FAM185A: variants seen among roughly 807,000 people sequenced by gnomAD.
The protein encoded by FAM185A is protein FAM185A.
Under a neutral mutation model 45.7 loss-of-function variants are expected in FAM185A, and 21 were observed. The observed-to-expected ratio is 0.46, with a 90% CI of 0.33 to 0.66. The LOEUF (loss-of-function observed/expected upper bound fraction) is 0.66, where lower values mean the gene tolerates loss of function less well. Among genes scored for constraint, FAM185A ranks in the 30% least tolerant of loss-of-function variants. The pLI is 0.03. For synonymous variants in FAM185A, 117 were observed against 194.0 expected (o/e 0.60, Z 3.30); for missense variants, 305 against 485.4 (o/e 0.63, Z 3.49).
intron 6 of FAM185A, among the ~76,000 whole-genome samples, chr7:102,781,598 C>T (rs1333295532): frequency 6.6e-6 from 1 of 152,222 alleles, no homozygotes; most frequent in Non-Finnish European, 1.5e-5. Context: ...GCTGAGGGTC[C>T]TGACTGTTAG....
intron 4 of FAM185A, among the ~76,000 whole-genome samples, chr7:102,767,774 T>G (rs925873008): frequency 5.9e-5 from 9 of 151,520 alleles, no homozygotes; most frequent in Non-Finnish European, 1.3e-4. Flanking sequence ...AACTCAACAT[T>G]TCTTGCTTTT....
chr7:102,822,212 A>C, the FAM185A span: 1 of 1,613,796 alleles, frequency 6.2e-7, no homozygotes, highest in Non-Finnish European at 8.5e-7. Flanking sequence ...ATCTGAACAC[A>C]GAGCCAAAGT....
At chr7:102,801,039 GAA>G (rs1358216405) in intron 7 of FAM185A, among the ~76,000 whole-genome samples, 19 of 152,210 alleles carry the variant, frequency 1.2e-4, no homozygotes, top group African/African-American at 4.3e-4. Context: ...ATTTTCAGCA[GAA>G]ACCCTAGAAG....
chr7:102,822,250 A>G, the FAM185A span: 1 of 1,531,954 alleles, frequency 6.5e-7, no homozygotes, highest in Non-Finnish European at 9.0e-7. Context: ...ACACTATCTC[A>G]GGGAAGAACA....
intron 5 of FAM185A, among the ~76,000 whole-genome samples, chr7:102,776,954 A>G (rs1302480782): frequency 6.6e-6 from 1 of 152,158 alleles, no homozygotes; most frequent in Non-Finnish European, 1.5e-5. Flanking sequence ...TAGTGGTCAA[A>G]GGAACCATTA....
intron 2 of FAM185A, chr7:102,755,635 T>C (rs1002920241): frequency 1.0e-5 from 6 of 590,030 alleles, no homozygotes; most frequent in African/African-American, 9.1e-5. Flanking sequence ...CCCATTGAGC[T>C]GACTGTTTTC....
the FAM185A span, among the ~76,000 whole-genome samples, chr7:102,820,331 C>T: frequency 1.3e-5 from 2 of 152,202 alleles, no homozygotes; most frequent in Non-Finnish European, 2.9e-5. Context: ...TTGCAGAAGA[C>T]AAAATAGGCC....
the FAM185A span, among the ~76,000 whole-genome samples, chr7:102,820,632 T>A: frequency 6.6e-6 from 1 of 152,230 alleles, no homozygotes; most frequent in Admixed American, 6.5e-5. Context: ...CATAACAGAC[T>A]ACTACAGACT....
intron 7 of FAM185A, among the ~76,000 whole-genome samples, chr7:102,795,054 A>C (rs1796368284): frequency 6.6e-6 from 1 of 152,250 alleles, no homozygotes; most frequent in Non-Finnish European, 1.5e-5. Flanking sequence ...CTTTGTAGTG[A>C]CAGAACAGTT....
chr7:102,749,807 C>T, intron 1 of FAM185A, 149 bp downstream of exon 1: 1 of 1,402,942 alleles, frequency 7.1e-7, no homozygotes, highest in South Asian at 1.5e-5. Flanking sequence ...TTCCTCTGTT[C>T]TGTTCTTGAG....
chr7:102,784,329 T>C (rs1466928081), intron 6 of FAM185A, among the ~76,000 whole-genome samples: 1 of 151,852 alleles, frequency 6.6e-6, no homozygotes, highest in East Asian at 1.9e-4. Context: ...TCCTAACTCA[T>C]TTTATGAGGC....
intron 3 of FAM185A, among the ~76,000 whole-genome samples, chr7:102,760,618 C>T (rs1434470148): frequency 2.0e-5 from 3 of 151,960 alleles, no homozygotes; most frequent in Non-Finnish European, 4.4e-5. Context: ...AAACATCATG[C>T]TTAATGGTGA....
rs1797260935 is a variant in FAM185A, at chr7:102,808,457, A to T, written c.*55A>T. On this transcript the variant is annotated 3_prime_UTR_variant, in exon 8 of 8. Coordinates refer to ENST00000413034, the MANE Select transcript of FAM185A (RefSeq NM_001145268.2). The stretch of plus-strand genomic sequence containing the variant: ...AACAATGATTCGCAGATCTGTGACT[A>T]CAAAAATGTAAATCCCACCATTCAT... The T allele has an allele frequency of 9.5e-7, 1 of 1,056,254 alleles. No homozygotes were observed. Among genetic ancestry groups the T allele is most frequent in the Non-Finnish European group, 1.4e-6 (1 of 699,096 alleles). 65.4% of individuals were successfully genotyped at this position (1,056,254 alleles called of 1,614,324 possible). A position where few individuals can be genotyped will look rare whatever the true frequency, so the allele number is the denominator to read the frequency against.
chr7:102,767,431 G>T (rs12530702), intron 4 of FAM185A, among the ~76,000 whole-genome samples: 2,739 of 152,168 alleles, frequency 0.018, 51 homozygotes, highest in South Asian at 0.053. Context: ...GAGATATGTA[G>T]TTTAGCAGTA....
chr7:102,780,576 G>A (rs1226230258), intron 6 of FAM185A, among the ~76,000 whole-genome samples: 1 of 152,130 alleles, frequency 6.6e-6, no homozygotes, highest in African/African-American at 2.4e-5. Context: ...AAGCACAAGA[G>A]CTCAGTGTTC....
chr7:102,827,099 G>A, the FAM185A span: 1 of 452,612 alleles, frequency 2.2e-6, no homozygotes. Flanking sequence ...AAGGAATGGA[G>A]CAGAAGTCAT....
chr7:102,835,364 A>T, the FAM185A span, among the ~76,000 whole-genome samples: 12 of 152,308 alleles, frequency 7.9e-5, no homozygotes, highest in South Asian at 1.2e-3. Context: ...TCTACCTTTG[A>T]ATTATTGGAA....
chr7:102,788,109 C>T (rs1190943707), intron 7 of FAM185A, among the ~76,000 whole-genome samples: 2 of 152,068 alleles, frequency 1.3e-5, no homozygotes, highest in South Asian at 4.1e-4. Context: ...GGACTACAGG[C>T]ATGCACCACC....
intron 5 of FAM185A, among the ~76,000 whole-genome samples, chr7:102,773,722 G>C (rs1461255373): frequency 6.6e-6 from 1 of 152,014 alleles, no homozygotes; most frequent in African/African-American, 2.4e-5. Flanking sequence ...ATTTATTATT[G>C]TCAGTTTTAA....
Sources: gnomAD v4.1 joint callset for allele counts (sites outside exome capture counted in the v4.1 genomes callset) on GRCh38, gnomAD v4.1.1 for gene constraint, MANE v1.5 for transcripts, NCBI Gene and HGNC (gene_info 2026-07-23, HGNC 2026-07-21) for gene names.